The following HNRNPF variants were observed in gnomAD, a reference collection of about 807,000 sequenced individuals.
The protein encoded by HNRNPF is HnRNP F protein.
Under a neutral mutation model 26.0 loss-of-function variants are expected in HNRNPF, and 2 were observed. The ratio of observed to expected loss-of-function variants is 0.08; its 90% CI spans 0.03 to 0.24. HNRNPF has a LOEUF of 0.24. Among genes scored for constraint, HNRNPF ranks in the 10% least tolerant of loss-of-function variants. HNRNPF has a pLI of 1.00. For synonymous variants in HNRNPF, 234 were observed against 211.5 expected (o/e 1.11, Z -0.92); for missense variants, 299 against 539.2 (o/e 0.55, Z 4.41).
chr10:43,394,883 C>T (rs938520853), intron 2 of HNRNPF, among the ~76,000 whole-genome samples, 195 bp from the exon 3 acceptor site: 47 of 152,232 alleles, frequency 3.1e-4, no homozygotes, highest in African/African-American at 1.0e-3. Flanking sequence ...ATACAGAGCA[C>T]AACAAAAGGG....
intron 3 of HNRNPF, 38 bp downstream of exon 3, chr10:43,394,592 A>C (rs1838386796): frequency 6.6e-6 from 1 of 152,144 alleles, no homozygotes; most frequent in Non-Finnish European, 1.5e-5. Flanking sequence ...AAATATAAAT[A>C]CTGCAGCTGA....
chr10:43,386,339 G>A lies in HNRNPF; in HGVS notation c.*298C>T, dbSNP rs1267480586. The A allele has an allele frequency of 7.4e-6, 2 of 271,380 alleles. No individual in the cohort carries two copies. The highest frequency in any genetic ancestry group is 1.2e-3 in the Middle Eastern group (1 of 860). 16.8% of individuals were successfully genotyped at this position (271,380 alleles called of 1,614,324 possible). ...CTCCCCAGTGTGTTCACTGTGATGT[G>A]GTGTAAAAGATCCACATTTAACATA... On this transcript the variant is annotated 3_prime_UTR_variant, in exon 4 of 4. Coordinates refer to ENST00000682386, the MANE Select transcript of HNRNPF (RefSeq NM_001098204.2).
rs534073220 is a variant in HNRNPF at position 43,400,906 on chromosome 10, A to T, written c.-246-4316T>A. ...AGGTCAGGAGGGCTAATACGGTGAA[A>T]CCTCGTCTCTACTAAAAATACAAAA... On this transcript the variant is annotated intron_variant, in intron 1 of 3. Transcript: ENST00000682386. Among the ~76,000 whole-genome samples, 35 of 117,034 alleles carry T rather than the reference A, an allele frequency of 3.0e-4. 1 individual carries two copies. The highest frequency in any genetic ancestry group is 1.3e-3 in the African/African-American group (32 of 24,312). 76.8% of individuals were successfully genotyped at this position (117,034 alleles called of 152,430 possible).
At chr10:43,395,937 A>G (rs555301833) in intron 2 of HNRNPF, among the ~76,000 whole-genome samples, 1 of 152,180 alleles carries the variant, frequency 6.6e-6, no homozygotes, top group East Asian at 1.9e-4. Context: ...CCCCGTCCGC[A>G]GCGCCAAGAA....
At chr10:43,396,294 T>A (rs188934660) in intron 2 of HNRNPF, among the ~76,000 whole-genome samples, 162 bp downstream of exon 2, 78 of 152,190 alleles carry the variant, frequency 5.1e-4, no homozygotes, top group African/African-American at 1.7e-3. Context: ...GATCCTGGCC[T>A]CCCCTCCTAG....
chr10:43,391,852 C>A (rs1838262261), intron 3 of HNRNPF, among the ~76,000 whole-genome samples: 1 of 152,152 alleles, frequency 6.6e-6, no homozygotes, highest in Non-Finnish European at 1.5e-5. Context: ...CATGTCATAC[C>A]TCCCCTGTGC....
At chr10:43,394,434 T>C (rs983043006) in intron 3 of HNRNPF, among the ~76,000 whole-genome samples, 196 bp downstream of exon 3, 2 of 152,198 alleles carry the variant, frequency 1.3e-5, no homozygotes, top group African/African-American at 4.8e-5. Flanking sequence ...TACTCCAGAA[T>C]TGGTTTTCTG....
chr10:43,387,026 T>C lies in HNRNPF; in HGVS notation c.859A>G (p.Thr287Ala). The C allele has an allele frequency of 6.2e-7, 1 of 1,613,708 alleles. No individual in the cohort carries two copies. Among genetic ancestry groups the C allele is most frequent in the Non-Finnish European group, 8.5e-7 (1 of 1,180,036 alleles). The change falls in exon 4 of 4, where the codon ACA becomes GCA. Residue 287 changes from threonine (T) to alanine (A), a missense_variant. Around this residue, in one of 6 missense-constraint regions of HNRNPF, gnomAD observed 74 missense variants for 77.7 expected, o/e 0.95. Transcript: ENST00000682386. The surrounding 1 kb of genome is among the most constrained non-coding windows in gnomAD (Gnocchi z 6.0). ...GDSEFTVQST[T>A]GHCVHMRGLP... ...CCCCTCATGTGGACACAGTGGCCTG[T>C]GGTGCTCTGCACTGTGAACTCACTG...
intron 1 of HNRNPF, among the ~76,000 whole-genome samples, chr10:43,397,641 A>G (rs1838599868): frequency 6.6e-6 from 1 of 152,244 alleles, no homozygotes; most frequent in Non-Finnish European, 1.5e-5. Flanking sequence ...GATTTTGAAA[A>G]AAAATCTTTG....
intron 1 of HNRNPF, among the ~76,000 whole-genome samples, chr10:43,406,450 T>C (rs1838920818): frequency 3.3e-5 from 5 of 152,096 alleles, no homozygotes; most frequent in Admixed American, 2.6e-4. Context: ...TCCCAGCACT[T>C]TGGGAGGCAG....
intron 3 of HNRNPF, among the ~76,000 whole-genome samples, chr10:43,389,523 G>C (rs1838161778): frequency 6.6e-6 from 1 of 152,224 alleles, no homozygotes; most frequent in Non-Finnish European, 1.5e-5. Context: ...AGCCATTGCA[G>C]ATAATGACAT....
At chr10:43,392,489 A>AGATC (rs1838291684) in intron 3 of HNRNPF, among the ~76,000 whole-genome samples, 1 of 152,242 alleles carries the variant, frequency 6.6e-6, no homozygotes. Flanking sequence ...CAGTGAGCTG[A>AGATC]GATCGTGCCA....
At chr10:43,408,331 C>T (rs1838996802) in intron 1 of HNRNPF, among the ~76,000 whole-genome samples, 2 of 152,190 alleles carry the variant, frequency 1.3e-5, no homozygotes, top group African/African-American at 4.8e-5. Flanking sequence ...CGCGTGGGAC[C>T]ACTGTCTGGG....
chr10:43,406,861 G>GA (rs756567880), intron 1 of HNRNPF, among the ~76,000 whole-genome samples: 41 of 152,072 alleles, frequency 2.7e-4, no homozygotes, highest in Non-Finnish European at 5.6e-4. Context: ...ACCTACAAGG[G>GA]AAAAGATCTT....
At chr10:43,399,929 G>A (rs1386230866) in intron 1 of HNRNPF, among the ~76,000 whole-genome samples, 1 of 152,252 alleles carries the variant, frequency 6.6e-6, no homozygotes, top group Non-Finnish European at 1.5e-5. Flanking sequence ...CATTAGCTCA[G>A]ATTGGGGTTC....
chr10:43,408,388 T>G (rs1838998899), intron 1 of HNRNPF, among the ~76,000 whole-genome samples: 1 of 152,132 alleles, frequency 6.6e-6, no homozygotes, highest in Non-Finnish European at 1.5e-5. Context: ...TCCCAGTGGG[T>G]CCAGTTCTTG....
intron 1 of HNRNPF, among the ~76,000 whole-genome samples, chr10:43,398,202 T>C (rs1838629861): frequency 6.6e-6 from 1 of 152,042 alleles, no homozygotes; most frequent in Non-Finnish European, 1.5e-5. Flanking sequence ...TAGTTTTTGT[T>C]TTTAGTAGAG....
intron 3 of HNRNPF, among the ~76,000 whole-genome samples, chr10:43,389,131 C>T (rs1039855473): frequency 6.6e-6 from 1 of 151,898 alleles, no homozygotes; most frequent in Non-Finnish European, 1.5e-5. Context: ...CCGCCACGCA[C>T]GGCTAATTTT....
At position 43,386,871 on chromosome 10, in the gene HNRNPF, A is replaced by G. The variant is rs1482556048; in HGVS notation, c.1014T>C (p.His338=). Residue 338 remains histidine, a synonymous_variant, in exon 4 of 4, where the codon CAT becomes CAC. Transcript: ENST00000682386. ...TGEADVEFAT[H]EEAVAAMSKD... ...TGGACATAGCTGCCACAGCTTCTTC[A>G]TGAGTAGCAAACTCAACATCTGCTT... 6.2e-7 allele frequency: 1 copy of G among 1,614,208 alleles called. No homozygotes were observed. The highest frequency in any genetic ancestry group is 8.5e-7 in the Non-Finnish European group (1 of 1,180,038).
Sources: allele counts gnomAD v4.1 joint callset (sites outside exome capture counted in the v4.1 genomes callset), GRCh38; gene constraint gnomAD v4.1.1; regional missense constraint gnomAD v4.1.1; non-coding constraint Gnocchi (gnomAD v3.1); transcripts MANE v1.5; gene names NCBI Gene and HGNC (gene_info 2026-07-23, HGNC 2026-07-21).